The following DOCK4 variants were observed in gnomAD, a reference collection of about 807,000 sequenced individuals.
DOCK4 encodes the protein dedicator of cytokinesis 4.
DOCK4 carries 97 observed loss-of-function variants against 268.1 expected under a neutral mutation model. The ratio of observed to expected loss-of-function variants is 0.36; its 90% CI spans 0.31 to 0.43. The LOEUF (loss-of-function observed/expected upper bound fraction) is 0.43, where lower values mean the gene tolerates loss of function less well. DOCK4 is among the 20% of genes least tolerant of loss of function. The pLI is 1.00. For missense variants in DOCK4, 2,145 were observed against 2,455.7 expected, an observed-to-expected ratio of 0.87 and a Z score of 2.67; for synonymous variants, 954 against 887.2, an observed-to-expected ratio of 1.08 and a Z score of -1.34.
In DOCK4 at chr7:112,062,480, T is replaced by G. The variant is rs537026542; in HGVS notation, c.38-58349A>C. Among the ~76,000 whole-genome samples, 3 of 152,324 alleles carry G rather than the reference T, an allele frequency of 2.0e-5. No homozygotes were observed. The East Asian group carries it at 5.8e-4, about 29-fold the overall frequency. ...AATGTTTTTATATTTAACTAGTGAC[T>G]TATATAGCATCTCTTGATGAACATA... is the stretch of plus-strand genomic sequence containing the variant. On this transcript the variant is annotated intron_variant, in intron 1 of 52. Coordinates refer to ENST00000428084, the MANE Select transcript of DOCK4 (RefSeq NM_001363540.2).
intron 1 of DOCK4, among the ~76,000 whole-genome samples, chr7:112,133,551 G>A (rs905518518): frequency 1.1e-4 from 16 of 152,138 alleles, no homozygotes; most frequent in African/African-American, 3.9e-4. Flanking sequence ...GGGGGACATG[G>A]TGACACCCGT....
intron 1 of DOCK4, among the ~76,000 whole-genome samples, chr7:112,013,214 T>A (rs1184468672): frequency 6.6e-6 from 1 of 152,226 alleles, no homozygotes; most frequent in African/African-American, 2.4e-5. Context: ...ATGTGGATTT[T>A]GACTCCCATT....
At chr7:111,847,220 C>T in intron 23 of DOCK4, 94 bp from the exon 24 acceptor site, 1 of 1,491,818 alleles carries the variant, frequency 6.7e-7, no homozygotes. Flanking sequence ...ATTTTGGTTG[C>T]TAAATTATTA....
intron 49 of DOCK4, among the ~76,000 whole-genome samples, chr7:111,738,236 C>T (rs887595623): frequency 6.6e-6 from 1 of 152,208 alleles, no homozygotes; most frequent in Non-Finnish European, 1.5e-5. Flanking sequence ...AAACCAAGTT[C>T]AGGCAGGGGG....
chr7:111,741,271 T>A, intron 46 of DOCK4, 57 bp from the exon 47 acceptor site: 1 of 1,596,596 alleles, frequency 6.3e-7, no homozygotes, highest in Non-Finnish European at 8.5e-7. Flanking sequence ...TACTTTATCA[T>A]GTGCTAGAAT....
At chr7:112,086,309 A>G (rs912066787) in intron 1 of DOCK4, among the ~76,000 whole-genome samples, 2 of 152,126 alleles carry the variant, frequency 1.3e-5, no homozygotes, top group Non-Finnish European at 2.9e-5. Context: ...AGGGACCATA[A>G]GTCGTGCACC....
Position 112,074,294 on chromosome 7 carries a change from T to G in DOCK4, c.38-70163A>C, listed in dbSNP as rs574349629. On this transcript the variant is annotated intron_variant, in intron 1 of 52. Coordinates refer to ENST00000428084, the MANE Select transcript of DOCK4 (RefSeq NM_001363540.2). ...AAATATTACATCCACAGGTTAGATT[T>G]TTTACTGTCAAATGAGTTATAAAAT... is the stretch of plus-strand genomic sequence containing the variant. 4.6e-5 allele frequency among the ~76,000 whole-genome samples: 7 copies of G among 152,304 alleles called. 1 individual carries two copies. The East Asian group carries it at 1.4e-3, about 29-fold the overall frequency.
chr7:111,757,207 C>T (rs934607485), intron 41 of DOCK4, among the ~76,000 whole-genome samples: 1 of 151,914 alleles, frequency 6.6e-6, no homozygotes, highest in Non-Finnish European at 1.5e-5. Context: ...GGCTATAAAG[C>T]AGAGGAATCA....
rs1231101221 is a variant in DOCK4 at position 112,003,320 on chromosome 7, C to A, written c.121+728G>T. ...GGAGGATCCCTTGAGCCCAGGAGAT[C>A]GAGGCTGCAGTGAGCCATGATCATG... On this transcript the variant is annotated intron_variant, in intron 2 of 52. Coordinates refer to ENST00000428084, the MANE Select transcript of DOCK4 (RefSeq NM_001363540.2). 3.3e-5 allele frequency among the ~76,000 whole-genome samples: 5 copies of A among 151,124 alleles called. No individual in the cohort carries two copies. In the South Asian group the frequency reaches 8.4e-4, roughly 25 times the overall value.
chr7:112,025,719 T>C (rs1056727257), intron 1 of DOCK4, among the ~76,000 whole-genome samples: 4 of 152,150 alleles, frequency 2.6e-5, no homozygotes, highest in Non-Finnish European at 4.4e-5. Context: ...GTCTCTTCTC[T>C]CACTATCTTT....
At position 111,747,285 on chromosome 7, in the gene DOCK4, G is replaced by A. The variant is rs535199354; in HGVS notation, c.4575C>T (p.Gly1525=). 9.3e-6 allele frequency: 15 copies of A among 1,612,698 alleles called. No homozygotes were observed. The highest frequency in any genetic ancestry group is 4.5e-5 in the East Asian group (2 of 44,850). ...TCCTTACCTCTTGATACCTGGAAAC[G>A]CCACCATTAACTGCAGCATCTATAA... ...NGVIDAAVNG[G]VSRYQEAFFV... The change falls in exon 43 of 53, where the codon GGC becomes GGT. Residue 1525 remains glycine, a synonymous_variant. Transcript: ENST00000428084.
At chr7:111,970,609 C>T (rs1484219706) in intron 8 of DOCK4, among the ~76,000 whole-genome samples, 1 of 152,136 alleles carries the variant, frequency 6.6e-6, no homozygotes, top group East Asian at 1.9e-4. Context: ...GAACAATTGG[C>T]TCATGTAAAA....
chr7:111,925,999 G>C (rs892004128), intron 12 of DOCK4, among the ~76,000 whole-genome samples: 13 of 149,798 alleles, frequency 8.7e-5, no homozygotes, highest in Non-Finnish European at 1.8e-4. Context: ...GGAGGCTGAG[G>C]CAGGGGAATC....
At chr7:112,072,249 T>C (rs1459262556) in intron 1 of DOCK4, among the ~76,000 whole-genome samples, 2 of 152,156 alleles carry the variant, frequency 1.3e-5, no homozygotes, top group Non-Finnish European at 2.9e-5. Flanking sequence ...AATCTATCTA[T>C]AACCAGAGTA....
intron 1 of DOCK4, among the ~76,000 whole-genome samples, chr7:112,093,660 C>A (rs1480143999): frequency 3.3e-5 from 5 of 152,094 alleles, no homozygotes; most frequent in Non-Finnish European, 7.4e-5. Flanking sequence ...TGTAAAGAAA[C>A]TCTTATTACT....
intron 1 of DOCK4, among the ~76,000 whole-genome samples, chr7:112,200,725 T>TAA (rs1335683859): frequency 0.011 from 1,133 of 102,638 alleles, 47 homozygotes; most frequent in African/African-American, 0.028. Context: ...GCCTCTAAAA[T>TAA]AAAAAAAAAA....
intron 1 of DOCK4, among the ~76,000 whole-genome samples, chr7:112,112,681 C>T (rs561381096): frequency 6.6e-6 from 1 of 152,068 alleles, no homozygotes; most frequent in African/African-American, 2.4e-5. Context: ...AACCATGCTT[C>T]TTATACAGTC....
At chr7:112,062,506 T>C (rs1286745866) in intron 1 of DOCK4, among the ~76,000 whole-genome samples, 1 of 152,206 alleles carries the variant, frequency 6.6e-6, no homozygotes, top group Non-Finnish European at 1.5e-5. Context: ...GATGAACATA[T>C]TGTAGTGACC....
intron 42 of DOCK4, among the ~76,000 whole-genome samples, chr7:111,754,581 A>G (rs1467779722): frequency 6.6e-6 from 1 of 152,246 alleles, no homozygotes; most frequent in Non-Finnish European, 1.5e-5. Flanking sequence ...GAACATTCAC[A>G]CTAAGTGAAA....
Sources: gnomAD v4.1 joint callset for allele counts (sites outside exome capture counted in the v4.1 genomes callset) on GRCh38, gnomAD v4.1.1 for gene constraint, MANE v1.5 for transcripts, NCBI Gene and HGNC (gene_info 2026-07-23, HGNC 2026-07-21) for gene names.